The following SLCO1B1 variants were observed in gnomAD, a reference collection of about 807,000 sequenced individuals.
SLCO1B1 encodes OATP-2.
Under a neutral mutation model 70.1 loss-of-function variants are expected in SLCO1B1, and 81 were observed. The observed-to-expected ratio is 1.16, with a 90% CI of 0.97 to 1.39. The LOEUF is 1.39. Ranked by LOEUF, SLCO1B1 falls within the 40% of genes most tolerant of loss-of-function variation. The pLI is 0.00. For missense variants in SLCO1B1, 895 were observed against 799.6 expected, an observed-to-expected ratio of 1.12 and a Z score of -1.44; for synonymous variants, 283 against 271.5, an observed-to-expected ratio of 1.04 and a Z score of -0.42.
chr12:21,151,139 A>G lies in SLCO1B1; in HGVS notation c.84+9481A>G, dbSNP rs79532220. On this transcript the variant is annotated intron_variant, in intron 2 of 14. Transcript: ENST00000256958. ...CAAAACCTGTACATTATTGTAGTTT[A>G]CTAAATACTAATTACAACACAGTGA... 4.7e-4 allele frequency among the ~76,000 whole-genome samples: 72 copies of G among 152,332 alleles called. 2 individuals carry two copies. The East Asian group carries it at 0.013, about 27-fold the overall frequency.
At position 21,220,311 on chromosome 12, in the gene SLCO1B1, G is replaced by A. The variant is rs1234558593; in HGVS notation, c.1683-1989G>A. ...CAATGTCATATATGCAATCCAACAG[G>A]AGAAACCTTGATGCCAGAGCCATAA... On this transcript the variant is annotated intron_variant, in intron 12 of 14. Transcript: ENST00000256958. 2.0e-5 allele frequency among the ~76,000 whole-genome samples: 3 copies of A among 152,150 alleles called. No homozygotes were observed. The East Asian group carries it at 5.8e-4, about 29-fold the overall frequency.
chr12:21,215,918 C>G lies in SLCO1B1; in HGVS notation c.1498-1201C>G, dbSNP rs1032689576. On this transcript the variant is annotated intron_variant, in intron 11 of 14. Coordinates refer to ENST00000256958, the MANE Select transcript of SLCO1B1 (RefSeq NM_006446.5). ...ATATTAGTGTTCAGGGTTTCAATTA[C>G]TCTTTGTTCGTCTTGGATGGTTGTT... is the stretch of plus-strand genomic sequence containing the variant. Among the ~76,000 whole-genome samples, 9 of 151,994 alleles carry G rather than the reference C, an allele frequency of 5.9e-5. No homozygotes were observed. The South Asian group carries it at 1.5e-3, about 25-fold the overall frequency.
In SLCO1B1 at chr12:21,200,592, A is replaced by C; in HGVS notation, c.1055A>C (p.Tyr352Ser). 6.2e-7 allele frequency: 1 copy of C among 1,612,004 alleles called. No homozygotes were observed. The highest frequency in any genetic ancestry group is 1.1e-5 in the South Asian group (1 of 90,964). ...TTGACGTTGTTACAAGTAAGCAGCT[A>C]TATTGGTGCTTTTACTTATGTCTTC... Reference protein sequence around the residue: ...VLLTLLQVSSYIGAFTYVFKY... With the variant: ...VLLTLLQVSSSIGAFTYVFKY... The change falls in exon 9 of 15, where the codon TAT (tyrosine) becomes TCT (serine). Residue 352 changes from tyrosine (Y) to serine (S), a missense_variant. By Grantham distance (144) the Tyr-to-Ser change is moderately radical. Coordinates refer to ENST00000256958, the MANE Select transcript of SLCO1B1 (RefSeq NM_006446.5).
intron 1 of SLCO1B1, among the ~76,000 whole-genome samples, chr12:21,137,500 G>T (rs908576709): frequency 2.0e-5 from 3 of 152,146 alleles, no homozygotes; most frequent in African/African-American, 7.2e-5. Context: ...CTTCCCAGCC[G>T]CTTTGTTTAC....
chr12:21,192,101 G>C (rs1941035604), intron 7 of SLCO1B1, among the ~76,000 whole-genome samples: 1 of 151,786 alleles, frequency 6.6e-6, no homozygotes, highest in Admixed American at 6.6e-5. Context: ...GTCTGGCTTT[G>C]GTATCAGAAT....
intron 9 of SLCO1B1, among the ~76,000 whole-genome samples, chr12:21,201,947 T>C (rs1941163242): frequency 6.6e-6 from 1 of 152,172 alleles, no homozygotes; most frequent in South Asian, 2.1e-4. Context: ...TAGCAAAGAC[T>C]TGGAACCAAC....
intron 1 of SLCO1B1, among the ~76,000 whole-genome samples, chr12:21,141,157 CAT>C (rs560465869): frequency 9.2e-5 from 14 of 151,960 alleles, no homozygotes; most frequent in Admixed American, 2.6e-4. Flanking sequence ...ATAAAGAAAA[CAT>C]ATATTTGCTT....
chr12:21,225,029 A>G (rs1471352914), intron 14 of SLCO1B1, among the ~76,000 whole-genome samples, 190 bp downstream of exon 14: 1 of 152,086 alleles, frequency 6.6e-6, no homozygotes, highest in Admixed American at 6.6e-5. Flanking sequence ...GGAAATGGAT[A>G]TTTTCTTCTA....
intron 14 of SLCO1B1, among the ~76,000 whole-genome samples, chr12:21,233,232 G>A (rs1180245480): frequency 6.6e-6 from 1 of 151,326 alleles, no homozygotes; most frequent in Non-Finnish European, 1.5e-5. Context: ...AGGCCTTTTT[G>A]AGCTTCCTTC....
At chr12:21,167,858 C>T (rs1311176161) in intron 2 of SLCO1B1, among the ~76,000 whole-genome samples, 1 of 150,078 alleles carries the variant, frequency 6.7e-6, no homozygotes, top group East Asian at 1.9e-4. Context: ...GCACTGTCAC[C>T]CAGGTTGGAG....
intron 12 of SLCO1B1, among the ~76,000 whole-genome samples, chr12:21,221,099 G>A (rs1008395809): frequency 6.6e-6 from 1 of 151,978 alleles, no homozygotes; most frequent in Non-Finnish European, 1.5e-5. Context: ...AAAATTATTT[G>A]ATAAAATTTA....
At chr12:21,163,309 C>G (rs1031994742) in intron 2 of SLCO1B1, among the ~76,000 whole-genome samples, 9 of 151,994 alleles carry the variant, frequency 5.9e-5, no homozygotes, top group Non-Finnish European at 1.2e-4. Flanking sequence ...AGTAGTTAGA[C>G]TAGTTATTTT....
chr12:21,226,574 G>A (rs376067018), intron 14 of SLCO1B1, among the ~76,000 whole-genome samples: 1 of 152,136 alleles, frequency 6.6e-6, no homozygotes, highest in Non-Finnish European at 1.5e-5. Context: ...AGTAGGTGGA[G>A]CACAGGGCAT....
intron 1 of SLCO1B1, among the ~76,000 whole-genome samples, chr12:21,132,907 C>A (rs921776945): frequency 6.6e-6 from 1 of 151,952 alleles, no homozygotes; most frequent in Non-Finnish European, 1.5e-5. Flanking sequence ...AGTCCTTGCC[C>A]ATGCCTATGT....
chr12:21,135,177 G>A (rs898418725), intron 1 of SLCO1B1, among the ~76,000 whole-genome samples: 1 of 152,166 alleles, frequency 6.6e-6, no homozygotes, highest in African/African-American at 2.4e-5. Context: ...GTTCTAGTTT[G>A]ATTGCGCTGT....
At chr12:21,183,538 G>T (rs1396559158) in intron 7 of SLCO1B1, among the ~76,000 whole-genome samples, 3 of 152,138 alleles carry the variant, frequency 2.0e-5, no homozygotes, top group Non-Finnish European at 2.9e-5. Flanking sequence ...GAAACTGAGA[G>T]CAAGAATCTA....
Position 21,197,083 on chromosome 12 carries a change from GA to G in SLCO1B1, c.868del (p.Arg290GlufsTer22). The G allele has an allele frequency of 6.2e-7, 1 of 1,613,440 alleles. No individual in the cohort carries two copies. Among genetic ancestry groups the G allele is most frequent in the African/African-American group, 1.3e-5 (1 of 74,922 alleles). ...CCAAACTCCAAATAAACCACAAAAA[GA>G]AAGAAAAGCTTCACTGTCTTTGCAT... ...LPQTPNKPQK[E>X]RKASLSLHVL... On this transcript the variant is annotated frameshift_variant, in exon 8 of 15. Transcript: ENST00000256958. LOFTEE classifies it high-confidence loss of function.
intron 2 of SLCO1B1, among the ~76,000 whole-genome samples, chr12:21,157,998 T>TA (rs1940563858): frequency 6.6e-6 from 1 of 152,220 alleles, no homozygotes; most frequent in Non-Finnish European, 1.5e-5. Context: ...TTATTTGTGT[T>TA]ATTCAACTGA....
In SLCO1B1 at chr12:21,227,462, T is replaced by C. The variant is rs148508570; in HGVS notation, c.1865+2623T>C. Among the ~76,000 whole-genome samples the C allele has an allele frequency of 1.1e-3, 171 of 152,282 alleles. 1 individual carries two copies. The highest frequency in any genetic ancestry group is 4.1e-3 in the African/African-American group (169 of 41,574). On this transcript the variant is annotated intron_variant, in intron 14 of 14. Coordinates refer to ENST00000256958, the MANE Select transcript of SLCO1B1 (RefSeq NM_006446.5). ...ACCAAACAGACTCTCTTCCATTTAA[T>C]GTGTAAATTCACTATCTAAAATCCC... is the stretch of plus-strand genomic sequence containing the variant.
Sources: gnomAD v4.1 joint callset for allele counts (sites outside exome capture counted in the v4.1 genomes callset) on GRCh38, gnomAD v4.1.1 for gene constraint, MANE v1.5 for transcripts, NCBI Gene and HGNC (gene_info 2026-07-23, HGNC 2026-07-21) for gene names.